The following MAP2 variants were observed in gnomAD, a reference collection of about 807,000 sequenced individuals.
MAP2 encodes microtubule associated protein 2, also known as microtubule-associated protein 2.
MAP2 carries 14 observed loss-of-function variants against 137.6 expected under a neutral mutation model. The ratio of observed to expected loss-of-function variants is 0.10; its 90% CI spans 0.07 to 0.16. The LOEUF is 0.16. Among genes scored for constraint, MAP2 ranks in the 10% least tolerant of loss-of-function variants. The pLI, the probability that MAP2 is intolerant of heterozygous loss-of-function variation, is 1.00. For missense variants in MAP2, 2,088 were observed against 2,191.5 expected (o/e 0.95, Z 0.94); for synonymous variants, 786 against 782.3 (o/e 1.00, Z -0.08).
intron 1 of MAP2, among the ~76,000 whole-genome samples, chr2:209,445,859 C>T (rs1698927628): frequency 6.6e-6 from 1 of 151,502 alleles, no homozygotes; most frequent in South Asian, 2.1e-4. Context: ...TTCTTTTTGT[C>T]CACAGACCAT....
intron 3 of MAP2, among the ~76,000 whole-genome samples, chr2:209,618,268 C>T (rs1488951815): frequency 3.3e-5 from 5 of 151,858 alleles, no homozygotes; most frequent in Non-Finnish European, 4.4e-5. Context: ...GAGAAAAATA[C>T]AAAGATGGAA....
At chr2:209,705,302 G>C (rs1180325525) in intron 11 of MAP2, 3 of 215,868 alleles carry the variant, frequency 1.4e-5, no homozygotes, top group East Asian at 2.0e-4. Context: ...ATTTGCTGAA[G>C]ATTGAGTACA....
chr2:209,624,635 A>G (rs1225577679), intron 3 of MAP2, among the ~76,000 whole-genome samples: 1 of 152,150 alleles, frequency 6.6e-6, no homozygotes, highest in African/African-American at 2.4e-5. Context: ...GAATCAATGC[A>G]GACTGGGCTG....
At chr2:209,612,114 G>A (rs907526078) in intron 3 of MAP2, among the ~76,000 whole-genome samples, 11 of 152,104 alleles carry the variant, frequency 7.2e-5, no homozygotes, top group African/African-American at 2.2e-4. Context: ...CATGAATTGC[G>A]TTTCATTTCA....
intron 3 of MAP2, among the ~76,000 whole-genome samples, chr2:209,617,822 A>G (rs1335004580): frequency 6.6e-6 from 1 of 151,756 alleles, no homozygotes; most frequent in Non-Finnish European, 1.5e-5. Flanking sequence ...GGTATAAATT[A>G]ATAACTCTTC....
intron 2 of MAP2, among the ~76,000 whole-genome samples, chr2:209,543,441 G>A (rs1394619435): frequency 1.3e-5 from 2 of 152,184 alleles, no homozygotes; most frequent in African/African-American, 4.8e-5. Context: ...TGGCACCGAT[G>A]GACTTGGTCA....
At chr2:209,651,845 G>C (rs2094823132) in intron 4 of MAP2, among the ~76,000 whole-genome samples, 1 of 152,096 alleles carries the variant, frequency 6.6e-6, no homozygotes, top group Non-Finnish European at 1.5e-5. Flanking sequence ...ACAAAATTCA[G>C]TTAAAAAACC....
chr2:209,471,965 C>T (rs1705840210), intron 1 of MAP2, among the ~76,000 whole-genome samples: 1 of 152,120 alleles, frequency 6.6e-6, no homozygotes. Flanking sequence ...AGGAGTTTCA[C>T]AGCCAATTTT....
chr2:209,568,298 A>G lies in MAP2; in HGVS notation c.-171-11738A>G, dbSNP rs1346642463. The stretch of plus-strand genomic sequence containing the variant: ...AATATGGATTTCAGTTATTCACAAA[A>G]TAAATATATGCATTTTCAGAAATCA... On this transcript the variant is annotated intron_variant, in intron 2 of 15. Transcript: ENST00000682079. Among the ~76,000 whole-genome samples, 9 of 152,130 alleles carry G rather than the reference A, an allele frequency of 5.9e-5. No homozygotes were observed. In the South Asian group the frequency reaches 1.4e-3, roughly 25 times the overall value.
chr2:209,710,295 T>C, intron 13 of MAP2, 41 bp downstream of exon 13: 1 of 1,452,974 alleles, frequency 6.9e-7, no homozygotes, highest in Non-Finnish European at 9.4e-7. Flanking sequence ...CAGAAATAAT[T>C]ATTACATTGC....
chr2:209,600,550 GT>G (rs997408833), intron 3 of MAP2, among the ~76,000 whole-genome samples: 1 of 152,126 alleles, frequency 6.6e-6, no homozygotes, highest in Non-Finnish European at 1.5e-5. Context: ...CCCCTAACTA[GT>G]GTCAAAATCC....
At chr2:209,507,293 T>C (rs2061191572) in intron 1 of MAP2, among the ~76,000 whole-genome samples, 1 of 152,192 alleles carries the variant, frequency 6.6e-6, no homozygotes. Flanking sequence ...AAATTCTTTT[T>C]GGTTGGTTGT....
Position 209,695,065 on chromosome 2 carries a change from A to G in MAP2, c.2895A>G (p.Glu965=). The part of the protein sequence containing the change: ...KANDRLDTVL[E]KSEEHADSKE... ...ATGATAGGTTGGATACTGTACTAGAAAAGAGTGAAGAACATGCTGATTCAA... is the reference window on the plus strand; with the variant it reads ...ATGATAGGTTGGATACTGTACTAGAGAAGAGTGAAGAACATGCTGATTCAA... Residue 965 remains glutamate (E), a synonymous_variant, in exon 8 of 16, where the codon GAA becomes GAG. Transcript: ENST00000682079. The G allele has an allele frequency of 6.2e-7, 1 of 1,614,176 alleles. No homozygotes were observed. The highest frequency in any genetic ancestry group is 8.5e-7 in the Non-Finnish European group (1 of 1,180,032).
intron 1 of MAP2, among the ~76,000 whole-genome samples, chr2:209,429,382 AG>A (rs753195286): frequency 3.1e-4 from 32 of 101,656 alleles, no homozygotes; most frequent in Non-Finnish European, 5.4e-4. Flanking sequence ...TGGTTCAACT[AG>A]TTTTTTTTTT....
intron 2 of MAP2, among the ~76,000 whole-genome samples, chr2:209,571,604 T>C (rs1291847085): frequency 6.6e-6 from 1 of 152,010 alleles, no homozygotes; most frequent in Non-Finnish European, 1.5e-5. Flanking sequence ...ATTCCCAACA[T>C]AGTTCTTAAA....
chr2:209,677,802 G>A (rs893981054), intron 5 of MAP2, among the ~76,000 whole-genome samples: 1 of 151,800 alleles, frequency 6.6e-6, no homozygotes, highest in African/African-American at 2.4e-5. Context: ...ATGTCATATG[G>A]CTTTAAAGAT....
At chr2:209,554,343 G>A (rs561944541) in intron 2 of MAP2, among the ~76,000 whole-genome samples, 39 of 152,212 alleles carry the variant, frequency 2.6e-4, no homozygotes, top group South Asian at 8.3e-4. Flanking sequence ...TGGCCACAGC[G>A]TCCTATATTC....
intron 4 of MAP2, among the ~76,000 whole-genome samples, chr2:209,649,994 T>G (rs1045640522): frequency 6.6e-6 from 1 of 152,318 alleles, no homozygotes; most frequent in Admixed American, 6.5e-5. Context: ...CAAATTATCA[T>G]AATATTTTTA....
chr2:209,532,241 A>G (rs1449215787), intron 2 of MAP2, among the ~76,000 whole-genome samples: 3 of 122,604 alleles, frequency 2.4e-5, no homozygotes, highest in African/African-American at 9.2e-5. Flanking sequence ...CAGTCTCAGG[A>G]AAAAAAAAAA....
Sources: gnomAD v4.1 joint callset for allele counts (sites outside exome capture counted in the v4.1 genomes callset) on GRCh38, gnomAD v4.1.1 for gene constraint, MANE v1.5 for transcripts, NCBI Gene and HGNC (gene_info 2026-07-23, HGNC 2026-07-21) for gene names.